NCOR2: variants seen among roughly 807,000 people sequenced by gnomAD.
The protein encoded by NCOR2 is nuclear receptor corepressor 2.
A neutral mutation model predicts 262.9 loss-of-function variants in NCOR2; 81 were observed. That is an observed-to-expected ratio of 0.31 (90% CI 0.26 to 0.37). NCOR2 has a LOEUF of 0.37. NCOR2 is among the 10% of genes least tolerant of loss of function. NCOR2 has a pLI of 1.00. For synonymous variants in NCOR2, 1,659 were observed against 1,559.3 expected, an observed-to-expected ratio of 1.06 and a Z score of -1.51; for missense variants, 3,385 against 3,621.4, an observed-to-expected ratio of 0.93 and a Z score of 1.68.
chr12:124,360,310 C>T (rs2038450577), intron 22 of NCOR2, among the ~76,000 whole-genome samples: 1 of 152,258 alleles, frequency 6.6e-6, no homozygotes, highest in Non-Finnish European at 1.5e-5. Flanking sequence ...CGAGACATCC[C>T]TGGCGTCATC....
chr12:124,438,972 C>G (rs1211219600), intron 7 of NCOR2, among the ~76,000 whole-genome samples: 6 of 43,708 alleles, frequency 1.4e-4, no homozygotes, highest in African/African-American at 3.5e-4. Context: ...CAGAGGGAGA[C>G]AGAGACCCAG....
chr12:124,456,181 A>G (rs1593622438), intron 6 of NCOR2, among the ~76,000 whole-genome samples: 1 of 152,246 alleles, frequency 6.6e-6, no homozygotes, highest in Admixed American at 6.5e-5. Flanking sequence ...TGGCGAAGGC[A>G]TAAGCCTTTA....
chr12:124,529,399 G>A (rs903874906), intron 1 of NCOR2, among the ~76,000 whole-genome samples: 4 of 152,020 alleles, frequency 2.6e-5, no homozygotes, highest in African/African-American at 7.2e-5. Flanking sequence ...GCTTGAACCC[G>A]GGAGGCGGAG....
At chr12:124,479,735 T>C (rs1178141009) in intron 3 of NCOR2, among the ~76,000 whole-genome samples, 1 of 152,156 alleles carries the variant, frequency 6.6e-6, no homozygotes, top group Admixed American at 6.5e-5. Flanking sequence ...CAGATTCCAG[T>C]GCTAATGGGG....
chr12:124,497,016 C>T (rs113580990), upstream of NCOR2, among the ~76,000 whole-genome samples: 68 of 152,332 alleles, frequency 4.5e-4, no homozygotes, highest in Non-Finnish European at 8.7e-4. The surrounding 1 kb of genome is among the most constrained non-coding windows in gnomAD (Gnocchi z 4.2). Flanking sequence ...GCGGTAAGAG[C>T]AGGTTGTGTC....
At position 124,504,023 on chromosome 12, in the gene NCOR2, C is replaced by T. The variant is rs948575827; in HGVS notation, c.-117-8655G>A. Among the ~76,000 whole-genome samples, 7 of 152,136 alleles carry T rather than the reference C, an allele frequency of 4.6e-5. No homozygotes were observed. Among genetic ancestry groups the T allele is most frequent in the African/African-American group, 1.7e-4 (7 of 41,430 alleles). Reference sequence around the variant, plus strand: ...CCCAGCCTGCTGAGTAAGAAGGACCCTAGGGAAAACTGCCTCCAGTCCCAA... The same window carrying T: ...CCCAGCCTGCTGAGTAAGAAGGACCTTAGGGAAAACTGCCTCCAGTCCCAA... On this transcript the variant is annotated intron_variant, in intron 1 of 46. Coordinates refer to the NCOR2 transcript ENST00000404621. This position sits in a 1 kb window ranked among gnomAD's most constrained non-coding sequence, Gnocchi z 4.5.
At chr12:124,451,294 T>C (rs1053252656) in intron 6 of NCOR2, among the ~76,000 whole-genome samples, 5 of 152,202 alleles carry the variant, frequency 3.3e-5, no homozygotes, top group Admixed American at 6.5e-5. Flanking sequence ...CTCAGCTGCC[T>C]TCCAGACAGG....
chr12:124,509,247 G>C (rs2049254169), intron 1 of NCOR2, among the ~76,000 whole-genome samples: 1 of 151,128 alleles, frequency 6.6e-6, no homozygotes, highest in African/African-American at 2.5e-5. Context: ...GGGGGGGGGG[G>C]GGCTTAACTC....
chr12:124,386,004 G>A, intron 16 of NCOR2, 117 bp from the exon 19 acceptor site: 1 of 1,285,622 alleles, frequency 7.8e-7, no homozygotes, highest in Non-Finnish European at 1.1e-6. Flanking sequence ...GGGGCTCCCT[G>A]CTCAGGCCCA....
chr12:124,441,094 TAGAAGCAGTGAAGGCCC>T lies in NCOR2; in HGVS notation c.816-3115_816-3099del, dbSNP rs370627069. On this transcript the variant is annotated intron_variant, in intron 7 of 46. Coordinates refer to ENST00000405201, the Ensembl canonical transcript of NCOR2. Reference sequence around the variant, plus strand: ...TATGCAAAAGACAGCTGTGAAGGCCTAGAAGCAGTGAAGGCCCAGGCGCCATGAGCACAGCAGCACCC... The same window carrying T: ...TATGCAAAAGACAGCTGTGAAGGCCTAGGCGCCATGAGCACAGCAGCACCC... Among the ~76,000 whole-genome samples, 565 of 152,208 alleles carry T rather than the reference TAGAAGCAGTGAAGGCCC, an allele frequency of 3.7e-3. 1 individual carries two copies. Among genetic ancestry groups the T allele is most frequent in the African/African-American group, 0.012 (498 of 41,534 alleles).
intron 1 of NCOR2, among the ~76,000 whole-genome samples, chr12:124,532,372 G>T (rs976290258): frequency 6.6e-6 from 1 of 152,206 alleles, no homozygotes; most frequent in Non-Finnish European, 1.5e-5. Context: ...TCTGTCAGGG[G>T]AGTGCAGAGC....
At chr12:124,537,437 T>C (rs1026579509), upstream of NCOR2, among the ~76,000 whole-genome samples, 1 of 152,198 alleles carries the variant, frequency 6.6e-6, no homozygotes, top group African/African-American at 2.4e-5. Context: ...CTGTGTGCAG[T>C]GCTCAAGCTC....
intron 19 of NCOR2, among the ~76,000 whole-genome samples, chr12:124,374,040 G>A (rs1365629260): frequency 6.6e-6 from 1 of 152,168 alleles, no homozygotes; most frequent in African/African-American, 2.4e-5. Flanking sequence ...CGCATTCCTG[G>A]CTCTCTAGCC....
In NCOR2 at chr12:124,388,789, C is replaced by A. The variant is rs1339390503; in HGVS notation, c.1877-2902G>T. ...AGTGGGCCGGCAGGCTGGGCGGCCG[C>A]GGTCGGCTCTGCGAGGCTGCTGGTT... On this transcript the variant is annotated intron_variant, in intron 16 of 46. Coordinates refer to ENST00000405201, the Ensembl canonical transcript of NCOR2. 5 of 1,301,732 alleles carry A rather than the reference C, an allele frequency of 3.8e-6. No homozygotes were observed. In the Admixed American group the frequency reaches 6.9e-5, roughly 18 times the overall value. 80.6% of individuals were successfully genotyped at this position (1,301,732 alleles called of 1,614,324 possible).
At position 124,335,200 on chromosome 12, in the gene NCOR2, G is replaced by T. The variant is rs893086396; in HGVS notation, c.6346C>A (p.Leu2116Met). 24 of 1,611,150 alleles carry T rather than the reference G, an allele frequency of 1.5e-5. No homozygotes were observed. The highest frequency in any genetic ancestry group is 1.9e-5 in the Non-Finnish European group (23 of 1,179,856). Reference sequence around the variant, plus strand: ...TTGACCCCTGGGGCGGTCTGGAGCAGCGGGCTGGACGAGGGCTGGCTCTCA... The same window carrying T: ...TTGACCCCTGGGGCGGTCTGGAGCATCGGGCTGGACGAGGGCTGGCTCTCA... Residue 2116 changes from leucine (L) to methionine (M), a missense_variant, in exon 40 of 47, where the codon CTG (leucine) becomes ATG (methionine). Leu to Met is a conservative substitution (Grantham distance 15). Coordinates refer to ENST00000405201, the Ensembl canonical transcript of NCOR2.
At chr12:124,372,253 T>C in exon 20 of NCOR2, 1 of 1,588,926 alleles carries the variant, frequency 6.3e-7, no homozygotes, top group Non-Finnish European at 8.6e-7. Flanking sequence ...GACGGGCTCC[T>C]CGGCCTTCCC....
chr12:124,365,121 G>A (rs1245012681), intron 20 of NCOR2, among the ~76,000 whole-genome samples: 4 of 152,180 alleles, frequency 2.6e-5, no homozygotes, highest in African/African-American at 9.6e-5. Context: ...ATTTGGAGGC[G>A]ACGCAGAACC....
intron 4 of NCOR2, 124 bp downstream of exon 6, chr12:124,472,828 G>A: frequency 1.6e-6 from 2 of 1,263,342 alleles, no homozygotes; most frequent in East Asian, 4.7e-5. Context: ...AACGTAAAGG[G>A]CATAAAAACC....
chr12:124,336,739 C>T lies in NCOR2; in HGVS notation c.6115+14G>A, dbSNP rs1256494668. 10 of 1,611,676 alleles carry T rather than the reference C, an allele frequency of 6.2e-6. No homozygotes were observed. The highest frequency in any genetic ancestry group is 8.5e-6 in the Non-Finnish European group (10 of 1,179,324). On this transcript the variant is annotated intron_variant, in intron 38 of 46. Transcript: ENST00000405201. The stretch of plus-strand genomic sequence containing the variant: ...TCGCGTCTATGAAGGTGGCCGCTGT[C>T]AGGGTGGTCTTACCCAGAGAACGGA...
Sources: gnomAD v4.1 joint callset for allele counts (sites outside exome capture counted in the v4.1 genomes callset) on GRCh38, gnomAD v4.1.1 for gene constraint, Gnocchi (gnomAD v3.1) non-coding constraint, MANE v1.5 for transcripts, NCBI Gene and HGNC (gene_info 2026-07-23, HGNC 2026-07-21) for gene names.